Variants in DNAH7 observed in about 807,000 individuals in gnomAD.
DNAH7 encodes the protein axonemal beta dynein heavy chain 7.
In DNAH7, 397 loss-of-function variants were observed where a neutral mutation model predicts 444.6. The ratio of observed to expected loss-of-function variants is 0.89; its 90% CI spans 0.82 to 0.97. The LOEUF (loss-of-function observed/expected upper bound fraction) is 0.97. Among genes scored for constraint, DNAH7 ranks in the 50% least tolerant of loss-of-function variants. DNAH7 has a pLI of 0.00. For synonymous variants in DNAH7, 1,636 were observed against 1,624.4 expected, an observed-to-expected ratio of 1.01 and a Z score of -0.17; for missense variants, 4,902 against 4,800.8, an observed-to-expected ratio of 1.02 and a Z score of -0.62.
At chr2:195,942,463 A>G (rs1020838945) in intron 19 of DNAH7, among the ~76,000 whole-genome samples, 8 of 151,886 alleles carry the variant, frequency 5.3e-5, no homozygotes, top group Admixed American at 1.3e-4. Flanking sequence ...AAAAGGAAGA[A>G]GAGGAAGAGG....
At chr2:195,747,476 T>C (rs1339206886) in intron 63 of DNAH7, among the ~76,000 whole-genome samples, 2 of 152,204 alleles carry the variant, frequency 1.3e-5, no homozygotes, top group African/African-American at 2.4e-5. Context: ...GAATCCTCCC[T>C]AACTCATTTT....
chr2:195,960,151 T>C, intron 18 of DNAH7, 109 bp downstream of exon 18: 1 of 884,686 alleles, frequency 1.1e-6, no homozygotes, highest in Non-Finnish European at 1.6e-6. Context: ...AGAAATAAAA[T>C]ATTAAGTATG....
At chr2:195,943,823 G>T (rs2125447199) in intron 19 of DNAH7, among the ~76,000 whole-genome samples, 1 of 152,214 alleles carries the variant, frequency 6.6e-6, no homozygotes, top group Middle Eastern at 3.4e-3. Flanking sequence ...CTATTTCATA[G>T]CTCACTGTGC....
chr2:196,028,014 A>T lies in DNAH7; in HGVS notation c.432T>A (p.Pro144=), dbSNP rs759065839. The change falls in exon 6 of 65, where the codon CCT becomes CCA. Residue 144 remains proline, a synonymous_variant. Transcript: ENST00000312428. ...QQDADLDSAV[P]DGSTIPKPTA... ...TCGGTTTTGGAATTGTGCTTCCATC[A>T]GGGACAGCTGAGTCTAAGTCAGCAT... 27 of 1,611,402 alleles carry T rather than the reference A, an allele frequency of 1.7e-5. No homozygotes were observed. Among genetic ancestry groups the T allele is most frequent in the Non-Finnish European group, 2.3e-5 (27 of 1,178,534 alleles).
chr2:195,862,596 T>TC (rs1253292406), intron 41 of DNAH7, among the ~76,000 whole-genome samples: 1 of 152,076 alleles, frequency 6.6e-6, no homozygotes, highest in Non-Finnish European at 1.5e-5. Context: ...TTATACCACT[T>TC]CCCCCCACAG....
Position 196,007,065 on chromosome 2 carries a change from G to A in DNAH7, c.990-5207C>T, listed in dbSNP as rs554581919. Among the ~76,000 whole-genome samples, 46 of 152,084 alleles carry A rather than the reference G, an allele frequency of 3.0e-4. 1 individual carries two copies. The highest frequency in any genetic ancestry group is 2.9e-3 in the Admixed American group (45 of 15,264). ...TGCATTCCCTATTAAAATCCCAATG[G>A]CATTTTTTAAAAAATGGACAAGTTG... On this transcript the variant is annotated intron_variant, in intron 10 of 64. Transcript: ENST00000312428.
intron 13 of DNAH7, 83 bp downstream of exon 13, chr2:195,987,874 T>C: frequency 1.6e-6 from 2 of 1,289,184 alleles, no homozygotes; most frequent in Non-Finnish European, 2.1e-6. Context: ...TCTAATTATC[T>C]GTGTTCTAAA....
chr2:195,833,224 G>A (rs1698159404), intron 48 of DNAH7, among the ~76,000 whole-genome samples: 1 of 152,118 alleles, frequency 6.6e-6, no homozygotes, highest in Admixed American at 6.5e-5. Context: ...CATTCTATAT[G>A]CTAAGAACAC....
At chr2:195,758,316 T>A (rs192306729) in intron 61 of DNAH7, among the ~76,000 whole-genome samples, 223 of 152,372 alleles carry the variant, frequency 1.5e-3, no homozygotes, top group African/African-American at 5.1e-3. Context: ...GTAAAGTTTT[T>A]CACTTATGCA....
intron 33 of DNAH7, among the ~76,000 whole-genome samples, chr2:195,887,815 C>T (rs1701791566): frequency 6.6e-6 from 1 of 150,592 alleles, no homozygotes; most frequent in Non-Finnish European, 1.5e-5. Flanking sequence ...TCCTCCCTCC[C>T]ACCATCCCCC....
chr2:195,927,725 TTATATC>T (rs1324723109), intron 21 of DNAH7, among the ~76,000 whole-genome samples: 1 of 151,266 alleles, frequency 6.6e-6, no homozygotes, highest in Non-Finnish European at 1.5e-5. Flanking sequence ...AAGTCTATTA[TTATATC>T]TATGTTTACC....
rs561421244 is a variant in DNAH7, at chr2:195,829,851, C to T, written c.9100+4355G>A. On this transcript the variant is annotated intron_variant, in intron 48 of 64. Transcript: ENST00000312428. Reference sequence around the variant, plus strand: ...TTATTGCTAGAATCAAGTCTTAATCCTGTTAGGAAAGATATTTGTAGTGTC... The same window carrying T: ...TTATTGCTAGAATCAAGTCTTAATCTTGTTAGGAAAGATATTTGTAGTGTC... 1.6e-4 allele frequency among the ~76,000 whole-genome samples: 25 copies of T among 151,874 alleles called. No homozygotes were observed. The South Asian group carries it at 5.0e-3, about 30-fold the overall frequency.
chr2:195,799,853 A>G (rs1227981227), intron 54 of DNAH7, among the ~76,000 whole-genome samples: 2 of 152,236 alleles, frequency 1.3e-5, no homozygotes, highest in Admixed American at 6.5e-5. Flanking sequence ...AATTTCCCAC[A>G]TCATCCAGAA....
rs767111394 is a variant in DNAH7 at position 195,984,679 on chromosome 2, T to A, written c.1786A>T (p.Lys596Ter). ...LCDEFERIAE[K>*]ALSTPPNTAE... ...GTATTTGGAGGAGTGCTAAGAGCTTTTTCAGCTATCCTCTCAAATTCATCG... is the reference window on the plus strand; with the variant it reads ...GTATTTGGAGGAGTGCTAAGAGCTTATTCAGCTATCCTCTCAAATTCATCG... Residue 596 changes from lysine (K) to a stop codon, truncating the protein, a stop_gained, in exon 15 of 65, where the codon AAA (lysine) becomes TAA (stop). Transcript: ENST00000312428. LOFTEE classifies it high-confidence loss of function. The A allele has an allele frequency of 1.9e-6, 3 of 1,614,050 alleles. No individual in the cohort carries two copies. The highest frequency in any genetic ancestry group is 1.3e-5 in the African/African-American group (1 of 75,066).
At chr2:195,763,983 A>G (rs1694460569) in intron 61 of DNAH7, among the ~76,000 whole-genome samples, 1 of 151,962 alleles carries the variant, frequency 6.6e-6, no homozygotes, top group Admixed American at 6.6e-5. Flanking sequence ...TGCATCCCTG[A>G]TGCAAAAATC....
At chr2:195,739,552 G>A (rs888582670) in intron 64 of DNAH7, among the ~76,000 whole-genome samples, 3 of 152,154 alleles carry the variant, frequency 2.0e-5, no homozygotes, top group African/African-American at 7.2e-5. Flanking sequence ...AGGTGCCTAG[G>A]AAATGTGGCT....
At chr2:196,034,369 A>G (rs2125806655) in intron 5 of DNAH7, among the ~76,000 whole-genome samples, 1 of 152,348 alleles carries the variant, frequency 6.6e-6, no homozygotes, top group Non-Finnish European at 1.5e-5. Flanking sequence ...TAAAGTGCTG[A>G]GAGCAACCGA....
chr2:195,775,614 A>G (rs528796746), intron 60 of DNAH7, among the ~76,000 whole-genome samples: 7 of 151,520 alleles, frequency 4.6e-5, no homozygotes, highest in Non-Finnish European at 8.8e-5. Context: ...ATGATACTTA[A>G]AGAATATATC....
intron 5 of DNAH7, among the ~76,000 whole-genome samples, chr2:196,030,479 G>C (rs760235769): frequency 3.9e-5 from 6 of 152,036 alleles, no homozygotes; most frequent in Non-Finnish European, 5.9e-5. Flanking sequence ...CCTTCCCAAC[G>C]GTCTCCTAAA....
Sources: allele counts gnomAD v4.1 joint callset (sites outside exome capture counted in the v4.1 genomes callset), GRCh38; gene constraint gnomAD v4.1.1; transcripts MANE v1.5; gene names NCBI Gene and HGNC (gene_info 2026-07-23, HGNC 2026-07-21).